The following IZUMO2 variants were observed in gnomAD, a reference collection of about 807,000 sequenced individuals.
The protein encoded by IZUMO2 is izumo sperm-egg fusion protein 2.
Under a neutral mutation model 31.2 loss-of-function variants are expected in IZUMO2, and 24 were observed. The observed-to-expected ratio is 0.77, with a 90% CI of 0.56 to 1.08. The LOEUF (loss-of-function observed/expected upper bound fraction) is 1.08. Ranked by LOEUF, IZUMO2 falls within the 50% of genes least tolerant of loss-of-function variation. The probability of loss-of-function intolerance (pLI) is 0.00; values close to 1 mark genes in which losing one functional copy is unlikely to be tolerated. For missense variants in IZUMO2, 278 were observed against 274.0 expected (o/e 1.01, Z -0.10); for synonymous variants, 144 against 117.3 (o/e 1.23, Z -1.47).
Position 50,163,074 on chromosome 19 carries a change from G to C in IZUMO2, c.121C>G (p.Pro41Ala), listed in dbSNP as rs1480400623. 1 of 1,613,254 alleles carries C rather than the reference G, an allele frequency of 6.2e-7. No homozygotes were observed. The highest frequency in any genetic ancestry group is 1.1e-5 in the South Asian group (1 of 91,028). Residue 41 changes from proline to alanine, a missense_variant, in exon 1 of 7, where the codon CCC (proline) becomes GCC (alanine). By Grantham distance (27) the Pro-to-Ala change is conservative. Coordinates refer to ENST00000293405, the MANE Select transcript of IZUMO2 (RefSeq NM_152358.3). ...ALGHLRSALI[P>A]SRFQLEQLQA... is the part of the protein sequence containing the mutation. Reference sequence around the variant, plus strand: ...AGCTGCTCCAACTGGAAGCGACTGGGGATGAGGGCGGAGCGCAGGTGACCC... The same window carrying C: ...AGCTGCTCCAACTGGAAGCGACTGGCGATGAGGGCGGAGCGCAGGTGACCC...
chr19:50,154,781 C>T (rs1035153809), intron 5 of IZUMO2, 55 bp from the exon 6 acceptor site: 8 of 1,593,850 alleles, frequency 5.0e-6, no homozygotes, highest in Non-Finnish European at 6.8e-6. Flanking sequence ...CTCCTTAGCC[C>T]CATACCCACC....
In IZUMO2 at chr19:50,152,657, C is replaced by A; in HGVS notation, c.624-6G>T. 1.2e-6 allele frequency: 2 copies of A among 1,612,230 alleles called. No individual in the cohort carries two copies. The highest frequency in any genetic ancestry group is 2.2e-5 in the South Asian group (2 of 91,006). On this transcript the variant is annotated splice_polypyrimidine_tract_variant and splice_region_variant and intron_variant, in intron 6 of 6. Transcript: ENST00000293405. The stretch of plus-strand genomic sequence containing the variant: ...TTTGTCTGTATGTACAAGCCCTGGT[C>A]AGAGAGAAAAAGCCTGTAGATTAGA...
At chr19:50,155,705 A>G (rs563919747) in intron 5 of IZUMO2, among the ~76,000 whole-genome samples, 1 of 152,210 alleles carries the variant, frequency 6.6e-6, no homozygotes, top group South Asian at 2.1e-4. Context: ...CTCCTCCCAC[A>G]GTTCCTCACA....
intron 6 of IZUMO2, 140 bp from the exon 7 acceptor site, chr19:50,152,791 G>T: frequency 1.4e-6 from 1 of 739,716 alleles, no homozygotes; most frequent in Non-Finnish European, 2.4e-6. Context: ...ATGGGCATCT[G>T]GGCAGATTTT....
At chr19:50,161,350 A>G (rs2030394667) in intron 2 of IZUMO2, among the ~76,000 whole-genome samples, 1 of 151,784 alleles carries the variant, frequency 6.6e-6, no homozygotes, top group South Asian at 2.1e-4. Context: ...TTGAACTCCC[A>G]ACCTCAGGTG....
intron 6 of IZUMO2, among the ~76,000 whole-genome samples, chr19:50,154,012 G>GGC: frequency 6.9e-6 from 1 of 145,878 alleles, no homozygotes; most frequent in Admixed American, 7.0e-5. Flanking sequence ...AGGGGCTGGG[G>GGC]GGGAGGGGGA....
rs2030469497 is a variant in IZUMO2, at chr19:50,163,178, G to A, written c.17C>T (p.Thr6Ile). 6.4e-7 allele frequency: 1 copy of A among 1,552,088 alleles called. No individual in the cohort carries two copies. The highest frequency in any genetic ancestry group is 1.2e-5 in the South Asian group (1 of 84,476). Residue 6 changes from threonine to isoleucine, a missense_variant, in exon 1 of 7, where the codon ACC becomes ATC. Thr to Ile is a moderately conservative substitution (Grantham distance 89). Coordinates refer to ENST00000293405, the MANE Select transcript of IZUMO2 (RefSeq NM_152358.3). ...GCCCAAGCCCGAGAGCAGCAGAAGG[G>A]TCAAAGCCAGAGGCATGGCGGGGCC... Reference protein sequence around the residue: MPLALTLLLLSGLGAP... With the variant: MPLALILLLLSGLGAP...
chr19:50,154,841 CTCTT>C lies in IZUMO2; in HGVS notation c.497-119_497-116del, dbSNP rs1311491912. 3.6e-6 allele frequency: 4 copies of C among 1,110,474 alleles called. No individual in the cohort carries two copies. In the African/African-American group the frequency reaches 6.2e-5, roughly 17 times the overall value. 68.8% of individuals were successfully genotyped at this position (1,110,474 alleles called of 1,614,324 possible). ...GGCAGGGGTGGGGGTGGGGCGCTCT[CTCTT>C]CTTCTCTTCCTGCTTGTTCCCTGCC... On this transcript the variant is annotated intron_variant, in intron 5 of 6. Coordinates refer to ENST00000293405, the MANE Select transcript of IZUMO2 (RefSeq NM_152358.3).
chr19:50,159,091 A>T (rs2030308014), intron 4 of IZUMO2, 139 bp downstream of exon 4: 6 of 785,042 alleles, frequency 7.6e-6, no homozygotes, highest in African/African-American at 1.7e-5. Flanking sequence ...TTAAAAAGCA[A>T]ATCTCCCTAG....
intron 3 of IZUMO2, 81 bp from the exon 4 acceptor site, chr19:50,159,331 T>A: frequency 6.7e-7 from 1 of 1,482,074 alleles, no homozygotes; most frequent in Non-Finnish European, 9.3e-7. Flanking sequence ...GGAGAGCAGG[T>A]AAGGGGTGAG....
chr19:50,159,356 G>T, intron 3 of IZUMO2, 106 bp from the exon 4 acceptor site: 1 of 1,347,314 alleles, frequency 7.4e-7, no homozygotes, highest in Non-Finnish European at 1.1e-6. Flanking sequence ...GGAAAGGAGA[G>T]AAGGGAAGAT....
rs2030129784 is a variant in IZUMO2 at position 50,154,264 on chromosome 19, G to GTTTTTTTGTTTTTT, written c.623+335_623+336insAAAAAACAAAAAAA. Among the ~76,000 whole-genome samples, 13 of 79,280 alleles carry GTTTTTTTGTTTTTT rather than the reference G, an allele frequency of 1.6e-4. 6 individuals carry two copies. Among genetic ancestry groups the GTTTTTTTGTTTTTT allele is most frequent in the Non-Finnish European group, 1.5e-4 (6 of 40,134 alleles). 52.0% of individuals were successfully genotyped at this position (79,280 alleles called of 152,430 possible). On this transcript the variant is annotated intron_variant, in intron 6 of 6. Coordinates refer to ENST00000293405, the MANE Select transcript of IZUMO2 (RefSeq NM_152358.3). ...GCATCCACCAAATATAACTTTTAGC[G>GTTTTTTTGTTTTTT]TTTTTTTTTTTTTTTTTTTTTTTTT...
At chr19:50,160,261 G>C (rs1397550937) in intron 2 of IZUMO2, 1 of 152,166 alleles carries the variant, frequency 6.6e-6, no homozygotes, top group Non-Finnish European at 1.5e-5. Flanking sequence ...CATGGCTACT[G>C]AACACTTGAA....
At chr19:50,155,750 G>C (rs1324565480) in intron 5 of IZUMO2, among the ~76,000 whole-genome samples, 1 of 152,064 alleles carries the variant, frequency 6.6e-6, no homozygotes, top group Non-Finnish European at 1.5e-5. Flanking sequence ...ACCTAAGTCG[G>C]CTCCCTCTGC....
At chr19:50,154,484 A>G (rs1486545216) in intron 6 of IZUMO2, 116 bp downstream of exon 6, 3 of 964,184 alleles carry the variant, frequency 3.1e-6, no homozygotes, top group Middle Eastern at 2.1e-4. Context: ...GACAGAGACT[A>G]AAGTGACTGA....
intron 5 of IZUMO2, among the ~76,000 whole-genome samples, chr19:50,156,959 G>A (rs2030230698): frequency 6.6e-6 from 1 of 152,164 alleles, no homozygotes; most frequent in African/African-American, 2.4e-5. Flanking sequence ...TCATTGCTAG[G>A]TTTGGAGGGT....
intron 5 of IZUMO2, among the ~76,000 whole-genome samples, chr19:50,157,304 T>G (rs1388986431): frequency 4.6e-3 from 3 of 646 alleles, no homozygotes; most frequent in African/African-American, 0.025. Flanking sequence ...TCATTATACT[T>G]TTTTTTTTTT....
At chr19:50,160,072 C>T (rs1177578034) in intron 2 of IZUMO2, 1 of 153,416 alleles carries the variant, frequency 6.5e-6, no homozygotes, top group East Asian at 1.9e-4. Flanking sequence ...TGGTTTCAAA[C>T]TCCTGACCTC....
intron 3 of IZUMO2, 79 bp downstream of exon 3, chr19:50,159,415 T>C (rs556934362): frequency 2.2e-5 from 28 of 1,272,860 alleles, no homozygotes; most frequent in East Asian, 1.9e-4. Context: ...AAGAAGGAGT[T>C]TGGGAGAAAA....
Sources: allele counts gnomAD v4.1 joint callset (sites outside exome capture counted in the v4.1 genomes callset), GRCh38; gene constraint gnomAD v4.1.1; transcripts MANE v1.5; gene names NCBI Gene and HGNC (gene_info 2026-07-23, HGNC 2026-07-21).